Variants in UGT1A4 observed in about 807,000 individuals in gnomAD.
UGT1A4 encodes UDP glucuronosyltransferase family 1 member A4, also known as UDP-glucuronosyltransferase 1A4.
In UGT1A4, 32 loss-of-function variants were observed where a neutral mutation model predicts 41.1. The observed-to-expected ratio is 0.78, with a 90% CI of 0.59 to 1.05. UGT1A4 has a LOEUF of 1.05. Ranked by LOEUF, UGT1A4 falls within the 50% of genes least tolerant of loss-of-function variation. UGT1A4 has a pLI of 0.00. For missense variants in UGT1A4, 748 were observed against 677.4 expected, an observed-to-expected ratio of 1.10 and a Z score of -1.16; for synonymous variants, 283 against 265.1, an observed-to-expected ratio of 1.07 and a Z score of -0.66.
At chr2:233,733,135 T>C (rs2078360537) in intron 1 of UGT1A4, among the ~76,000 whole-genome samples, 1 of 152,236 alleles carries the variant, frequency 6.6e-6, no homozygotes, top group Admixed American at 6.5e-5. Flanking sequence ...ATAGGAATGC[T>C]TGTGATTTTT....
At chr2:233,729,672 TAAGG>T (rs769537040) in intron 1 of UGT1A4, 1 of 1,613,976 alleles carries the variant, frequency 6.2e-7, no homozygotes, top group Non-Finnish European at 8.5e-7. Flanking sequence ...ATTTAGACTT[TAAGG>T]GCACACAGTG....
chr2:233,749,121 A>T (rs1694116059), intron 1 of UGT1A4, among the ~76,000 whole-genome samples: 1 of 151,732 alleles, frequency 6.6e-6, no homozygotes, highest in Non-Finnish European at 1.5e-5. Context: ...TTTATGTCAT[A>T]TTCACTGAAT....
At chr2:233,743,936 C>A in intron 1 of UGT1A4, 1 of 1,355,864 alleles carries the variant, frequency 7.4e-7, no homozygotes, top group Non-Finnish European at 9.9e-7. Flanking sequence ...CCAGAACGGC[C>A]CACCAGGCAC....
At chr2:233,743,383 G>A (rs1366748505) in intron 1 of UGT1A4, 1 of 1,197,714 alleles carries the variant, frequency 8.3e-7, no homozygotes, top group Non-Finnish European at 1.1e-6. Context: ...ACTACCGTAG[G>A]ACATGCAGAA....
At chr2:233,729,584 C>T in intron 1 of UGT1A4, 7 of 1,614,090 alleles carry the variant, frequency 4.3e-6, no homozygotes, top group Non-Finnish European at 5.9e-6. Flanking sequence ...TTAACAGACC[C>T]CGTTAACCTC....
Position 233,765,258 on chromosome 2 carries a change from A to G in UGT1A4, c.868-1776A>G, listed in dbSNP as rs28900400. On this transcript the variant is annotated intron_variant, in intron 1 of 4. Coordinates refer to ENST00000373409, the MANE Select transcript of UGT1A4 (RefSeq NM_007120.3). ...AGACTCAGTAATCCCATTACTGGGT[A>G]TATACCCAAAGAAATATAAATTATT... Among the ~76,000 whole-genome samples, 1,446 of 152,334 alleles carry G rather than the reference A, an allele frequency of 9.5e-3. 33 individuals carry two copies. Among genetic ancestry groups the G allele is most frequent in the African/African-American group, 0.033 (1,355 of 41,576 alleles).
chr2:233,755,761 T>G (rs1381641183), intron 1 of UGT1A4: 4 of 152,946 alleles, frequency 2.6e-5, no homozygotes, highest in African/African-American at 9.6e-5. Context: ...CATTTGCTTT[T>G]GTTCATCTGG....
chr2:233,747,504 C>T, intron 1 of UGT1A4: 2 of 1,608,416 alleles, frequency 1.2e-6, no homozygotes, highest in South Asian at 2.2e-5. Flanking sequence ...GGGCCACACT[C>T]AACTGTACTT....
rs28900383 is a variant in UGT1A4, at chr2:233,748,795, A to T, written c.868-18239A>T. Among the ~76,000 whole-genome samples the T allele has an allele frequency of 9.8e-3, 1,488 of 151,368 alleles. 50 individuals are homozygous for T. The highest frequency in any genetic ancestry group is 0.035 in the African/African-American group (1,419 of 40,884). ...ATTGGGTCTTCTACTTGGAATGCTGAAATTATCAAGAAATTGTGGAAGGGT... is the reference window on the plus strand; with the variant it reads ...ATTGGGTCTTCTACTTGGAATGCTGTAATTATCAAGAAATTGTGGAAGGGT... On this transcript the variant is annotated intron_variant, in intron 1 of 4. Transcript: ENST00000373409.
chr2:233,763,230 T>C (rs1698265609), intron 1 of UGT1A4, among the ~76,000 whole-genome samples: 1 of 152,252 alleles, frequency 6.6e-6, no homozygotes, highest in African/African-American at 2.4e-5. Context: ...AATATGTTTT[T>C]AAATTGTACC....
chr2:233,722,935 G>A (rs1228293492), intron 1 of UGT1A4, among the ~76,000 whole-genome samples: 1 of 129,296 alleles, frequency 7.7e-6, no homozygotes, highest in Non-Finnish European at 1.6e-5. Flanking sequence ...TTGTCTCCAT[G>A]CTGAGTGGGC....
intron 1 of UGT1A4, chr2:233,748,159 A>T: frequency 6.3e-7 from 1 of 1,599,046 alleles, no homozygotes; most frequent in Non-Finnish European, 8.5e-7. Flanking sequence ...AATTGCTTCC[A>T]TATCTACTTA....
At chr2:233,751,021 C>A (rs74787288) in intron 1 of UGT1A4, among the ~76,000 whole-genome samples, 1 of 151,772 alleles carries the variant, frequency 6.6e-6, no homozygotes, top group East Asian at 1.9e-4. Flanking sequence ...AATAGTAGAT[C>A]CAATAGCTTG....
chr2:233,720,704 CT>C (rs796417980), intron 1 of UGT1A4, among the ~76,000 whole-genome samples: 3,410 of 139,098 alleles, frequency 0.025, 114 homozygotes, highest in African/African-American at 0.077. Flanking sequence ...GGGAGCCATC[CT>C]TTTTTTTTTT....
intron 1 of UGT1A4, among the ~76,000 whole-genome samples, chr2:233,757,560 A>ATATATATATATATATACATATATATATG (rs904896556): frequency 8.1e-6 from 1 of 123,146 alleles, no homozygotes; most frequent in African/African-American, 3.4e-5. Context: ...ATATATATAT[A>ATATATATATATATATACATATATATATG]TGTATATATG....
rs35802766 is a variant in UGT1A4, at chr2:233,761,211, C to T, written c.868-5823C>T. Reference sequence around the variant, plus strand: ...TTCTTTCAGATGTATTACTTTGGATCGATTAACTAGCCCCAGATATATGCT... The same window carrying T: ...TTCTTTCAGATGTATTACTTTGGATTGATTAACTAGCCCCAGATATATGCT... On this transcript the variant is annotated intron_variant, in intron 1 of 4. Coordinates refer to ENST00000373409, the MANE Select transcript of UGT1A4 (RefSeq NM_007120.3). 81 of 1,613,620 alleles carry T rather than the reference C, an allele frequency of 5.0e-5. No homozygotes were observed. In the East Asian group the frequency reaches 6.7e-4, roughly 13 times the overall value.
At chr2:233,729,445 C>G (rs375300323) in intron 1 of UGT1A4, 1 of 1,613,820 alleles carries the variant, frequency 6.2e-7, no homozygotes, top group African/African-American at 1.3e-5. Flanking sequence ...AGAACATTTT[C>G]TGAAGAAATT....
chr2:233,742,752 T>C (rs1692089245), intron 1 of UGT1A4: 2 of 152,902 alleles, frequency 1.3e-5, no homozygotes, highest in Admixed American at 1.3e-4. Flanking sequence ...CTCCAAAATA[T>C]TAAGATAATA....
At chr2:233,732,616 A>G (rs1187431518) in intron 1 of UGT1A4, among the ~76,000 whole-genome samples, 2 of 152,194 alleles carry the variant, frequency 1.3e-5, no homozygotes, top group African/African-American at 4.8e-5. Flanking sequence ...AAATGGTTGT[A>G]GATGTGTGGT....
Sources: gnomAD v4.1 joint callset for allele counts (sites outside exome capture counted in the v4.1 genomes callset) on GRCh38, gnomAD v4.1.1 for gene constraint, MANE v1.5 for transcripts, NCBI Gene and HGNC (gene_info 2026-07-23, HGNC 2026-07-21) for gene names.